Variants in NFASC observed in about 807,000 individuals in gnomAD.
NFASC encodes neurofascin, also known as neurofascin homolog.
NFASC carries 43 observed loss-of-function variants against 147.5 expected under a neutral mutation model. That is an observed-to-expected ratio of 0.29 (90% CI 0.23 to 0.38). NFASC has a LOEUF of 0.38. NFASC is among the 10% of genes least tolerant of loss of function. The probability of loss-of-function intolerance (pLI) is 1.00; values close to 1 mark genes in which losing one functional copy is unlikely to be tolerated. For synonymous variants in NFASC, 622 were observed against 665.5 expected (o/e 0.93, Z 1.01); for missense variants, 1,320 against 1,689.0 (o/e 0.78, Z 3.83).
chr1:204,976,634 AC>A (rs755246621), intron 15 of NFASC, 36 bp from the exon 16 acceptor site: 333 of 1,521,554 alleles, frequency 2.2e-4, no homozygotes, highest in Admixed American at 1.1e-3. Flanking sequence ...GCACTCCCCT[AC>A]CCCCTCCTCC....
intron 1 of NFASC, among the ~76,000 whole-genome samples, chr1:204,836,869 G>A (rs1430171420): frequency 6.6e-6 from 1 of 152,238 alleles, no homozygotes; most frequent in Non-Finnish European, 1.5e-5. Context: ...CCTGGGATAT[G>A]CCCTCGTTTT....
chr1:204,828,768 C>G lies in NFASC; in HGVS notation c.-214C>G, dbSNP rs1671318105. 1 of 985,298 alleles carries G rather than the reference C, an allele frequency of 1.0e-6. No homozygotes were observed. 61.0% of individuals were successfully genotyped at this position (985,298 alleles called of 1,614,324 possible). On this transcript the variant is annotated 5_prime_UTR_variant, in exon 1 of 30. Coordinates refer to ENST00000339876, the MANE Select transcript of NFASC (RefSeq NM_001005388.3). Reference sequence around the variant, plus strand: ...GCTCGGACAGCGCCCAGGGCCGGAGCCCGAGCCCTTGGAGGTAGGCGAGCG... The same window carrying G: ...GCTCGGACAGCGCCCAGGGCCGGAGGCCGAGCCCTTGGAGGTAGGCGAGCG...
At chr1:204,887,532 A>G (rs978099342) in intron 1 of NFASC, among the ~76,000 whole-genome samples, 1 of 143,378 alleles carries the variant, frequency 7.0e-6, no homozygotes, top group African/African-American at 2.6e-5. Flanking sequence ...ATGATGTGGA[A>G]TTGCTGGATT....
chr1:204,997,127 A>G (rs1558418126), intron 24 of NFASC, 43 bp from the exon 25 acceptor site: 1 of 1,579,892 alleles, frequency 6.3e-7, no homozygotes, highest in East Asian at 2.2e-5. Flanking sequence ...GGCTGGGCAC[A>G]GCCAAACCAA....
intron 1 of NFASC, among the ~76,000 whole-genome samples, chr1:204,901,396 G>A (rs879122498): frequency 9.2e-5 from 14 of 152,168 alleles, no homozygotes; most frequent in Admixed American, 3.3e-4. Context: ...GAGGAAACCC[G>A]GGAGGTGGCA....
intron 25 of NFASC, chr1:205,000,826 C>CAAA: frequency 7.2e-6 from 2 of 278,258 alleles, no homozygotes; most frequent in South Asian, 3.2e-5. Context: ...TACTCCATCT[C>CAAA]AAAAAAAAAA....
At chr1:205,012,665 G>A in intron 28 of NFASC, 132 bp from the exon 29 acceptor site, 1 of 737,452 alleles carries the variant, frequency 1.4e-6, no homozygotes, top group Middle Eastern at 2.4e-4. Flanking sequence ...AGGCGTGGAT[G>A]GTGCCTTGTT....
At chr1:204,970,530 C>T (rs2095202533) in intron 10 of NFASC, 86 bp from the exon 11 acceptor site, 2 of 1,519,962 alleles carry the variant, frequency 1.3e-6, no homozygotes, top group Admixed American at 3.4e-5. Flanking sequence ...TCAGGGGCTC[C>T]TGCCATACTA....
chr1:204,991,334 G>C (rs2095730030), intron 24 of NFASC, 28 bp downstream of exon 24: 2 of 1,610,116 alleles, frequency 1.2e-6, no homozygotes, highest in Non-Finnish European at 1.7e-6. Context: ...GAGGTAATGG[G>C]CATGGCATGG....
In NFASC at chr1:204,988,544, A is replaced by G. The variant is rs2150596895; in HGVS notation, c.2594-89A>G. 3 of 1,210,452 alleles carry G rather than the reference A, an allele frequency of 2.5e-6. No individual in the cohort carries two copies. The East Asian group carries it at 7.2e-5, about 29-fold the overall frequency. 75.0% of individuals were successfully genotyped at this position (1,210,452 alleles called of 1,614,324 possible). On this transcript the variant is annotated intron_variant, in intron 22 of 29. Transcript: ENST00000339876. ...CATCATTTCCCTTTCCAGCAAAGTC[A>G]GGAAAGTGTTCTTCCTCCAGCTTGC... is the stretch of plus-strand genomic sequence containing the variant.
At chr1:204,941,695 G>A (rs189546335) in intron 2 of NFASC, among the ~76,000 whole-genome samples, 375 of 152,318 alleles carry the variant, frequency 2.5e-3, no homozygotes, top group Middle Eastern at 6.8e-3. Flanking sequence ...ACAGTATAAG[G>A]ACCATCTTAG....
At chr1:205,001,943 G>A (rs746828760) in intron 26 of NFASC, among the ~76,000 whole-genome samples, 9 of 152,142 alleles carry the variant, frequency 5.9e-5, no homozygotes, top group Admixed American at 2.6e-4. Context: ...AATCCACCTG[G>A]GATAGCCTAC....
intron 21 of NFASC, chr1:204,984,382 C>CGTATAT (rs1299085353): frequency 1.5e-5 from 2 of 134,110 alleles, no homozygotes; most frequent in African/African-American, 6.0e-5. Context: ...TATATATACG[C>CGTATAT]ATATATATAT....
intron 8 of NFASC, among the ~76,000 whole-genome samples, chr1:204,967,046 A>C (rs769825278): frequency 7.2e-5 from 11 of 152,006 alleles, no homozygotes; most frequent in Non-Finnish European, 1.3e-4. Context: ...GCACCGATTA[A>C]ACCCTGGATA....
intron 3 of NFASC, chr1:204,947,227 C>A (rs1412496429): frequency 5.1e-6 from 1 of 194,452 alleles, no homozygotes; most frequent in East Asian, 1.4e-4. Flanking sequence ...AAGCTGAATG[C>A]AAGACAGGAG....
At position 205,015,078 on chromosome 1, in the gene NFASC, C is replaced by T. The variant is rs566780806; in HGVS notation, c.3492-1230C>T. 7.9e-5 allele frequency among the ~76,000 whole-genome samples: 12 copies of T among 152,272 alleles called. No homozygotes were observed. The highest frequency in any genetic ancestry group is 2.2e-4 in the African/African-American group (9 of 41,570). On this transcript the variant is annotated intron_variant, in intron 29 of 29. Transcript: ENST00000339876. This position sits in a 1 kb window ranked among gnomAD's most constrained non-coding sequence, Gnocchi z 4.0. Reference sequence around the variant, plus strand: ...AGCTTTCAATCTTCTAACACAGCCCCGGCTCTGGCTCGCTGCCCTCACCTG... The same window carrying T: ...AGCTTTCAATCTTCTAACACAGCCCTGGCTCTGGCTCGCTGCCCTCACCTG...
intron 15 of NFASC, among the ~76,000 whole-genome samples, chr1:204,976,073 G>A (rs1014788954): frequency 8.5e-5 from 13 of 152,108 alleles, no homozygotes; most frequent in African/African-American, 2.2e-4. Context: ...AGTTGTGCAG[G>A]GCCCTGCAGT....
At chr1:204,944,194 A>G in intron 2 of NFASC, 32 bp from the exon 3 acceptor site, 2 of 1,538,750 alleles carry the variant, frequency 1.3e-6, no homozygotes, top group Non-Finnish European at 1.7e-6. Context: ...AGTTCATGAA[A>G]AACTCACTTG....
intron 28 of NFASC, 184 bp from the exon 29 acceptor site, chr1:205,012,613 T>A (rs937111352): frequency 1.6e-6 from 1 of 615,954 alleles, no homozygotes; most frequent in African/African-American, 1.8e-5. Context: ...GGAGGCAGAG[T>A]CAACTTGGCA....
Sources: gnomAD v4.1 joint callset for allele counts (sites outside exome capture counted in the v4.1 genomes callset) on GRCh38, gnomAD v4.1.1 for gene constraint, Gnocchi (gnomAD v3.1) non-coding constraint, MANE v1.5 for transcripts, NCBI Gene and HGNC (gene_info 2026-07-23, HGNC 2026-07-21) for gene names.